HERC2: variants seen among roughly 807,000 people sequenced by gnomAD.
The protein encoded by HERC2 is E3 ubiquitin-protein ligase HERC2.
A neutral mutation model predicts 537.7 loss-of-function variants in HERC2; 102 were observed. The observed-to-expected ratio is 0.19, with a 90% CI of 0.16 to 0.22. The LOEUF is 0.22. Among genes scored for constraint, HERC2 ranks in the 10% least tolerant of loss-of-function variants. The probability of loss-of-function intolerance (pLI) is 1.00; values close to 1 mark genes in which losing one functional copy is unlikely to be tolerated. For missense variants in HERC2, 4,236 were observed against 6,198.2 expected, an observed-to-expected ratio of 0.68 and a Z score of 10.63; for synonymous variants, 2,224 against 2,466.2, an observed-to-expected ratio of 0.90 and a Z score of 2.91.
intron 44 of HERC2, among the ~76,000 whole-genome samples, chr15:28,209,511 T>C (rs1394159416): frequency 6.6e-6 from 1 of 151,932 alleles, no homozygotes; most frequent in Non-Finnish European, 1.5e-5. Context: ...GCCCAGCTAA[T>C]TTTTTGTATT....
rs1275798454 is a variant in HERC2 at position 28,271,907 on chromosome 15, C to A, written c.1083+308G>T. ...GTGACAGCTCAGGTGACGTGCCCTG[C>A]ACAGAGCCCAGTACATAGGAAGGAC... On this transcript the variant is annotated intron_variant, in intron 9 of 92. Coordinates refer to ENST00000261609, the MANE Select transcript of HERC2 (RefSeq NM_004667.6). The A allele has an allele frequency of 1.4e-5, 5 of 359,446 alleles. No individual in the cohort carries two copies. The East Asian group carries it at 2.6e-4, about 19-fold the overall frequency. The allele number at this position is 359,446 out of a possible 1,614,324, so 22.3% of individuals were successfully genotyped here.
In HERC2 at chr15:28,167,759, C is replaced by T. The variant is rs745886258; in HGVS notation, c.10482G>A (p.Arg3494=). Residue 3494 remains arginine (R), a synonymous_variant, in exon 68 of 93, where the codon CGG becomes CGA. Coordinates refer to ENST00000261609, the MANE Select transcript of HERC2 (RefSeq NM_004667.6). ...VTPSAPSASA[R]PFIPVTDDLG... ...GGTCATCCGTCACTGGGATAAAAGGCCGAGCGGAGGCTGAGGGGGCCGACG... is the reference window on the plus strand; with the variant it reads ...GGTCATCCGTCACTGGGATAAAAGGTCGAGCGGAGGCTGAGGGGGCCGACG... The T allele has an allele frequency of 3.7e-6, 6 of 1,614,024 alleles. No individual in the cohort carries two copies. Among genetic ancestry groups the T allele is most frequent in the Non-Finnish European group, 5.1e-6 (6 of 1,180,034 alleles).
In HERC2 at chr15:28,168,573, G is replaced by A. The variant is rs1894384856; in HGVS notation, c.10247C>T (p.Ala3416Val). The change falls in exon 67 of 93, where the codon GCC becomes GTC. Residue 3416 changes from alanine (A) to valine (V), a missense_variant. Ala to Val is a moderately conservative substitution (Grantham distance 64). Transcript: ENST00000261609. ...GGCGATCATGGCGGCCGGCATCAGGGCCCCGACAACAGCATCTCTGTCAGG... is the reference window on the plus strand; with the variant it reads ...GGCGATCATGGCGGCCGGCATCAGGACCCCGACAACAGCATCTCTGTCAGG... ...IMYARDAVVGALMPAAMIAPV... is the reference protein window; with the variant it reads ...IMYARDAVVGVLMPAAMIAPV... 6 of 1,613,902 alleles carry A rather than the reference G, an allele frequency of 3.7e-6. No homozygotes were observed. The highest frequency in any genetic ancestry group is 5.1e-6 in the Non-Finnish European group (6 of 1,179,902).
intron 21 of HERC2, 55 bp downstream of exon 21, chr15:28,248,497 T>C: frequency 7.1e-7 from 1 of 1,406,658 alleles, no homozygotes; most frequent in Non-Finnish European, 1.0e-6. Flanking sequence ...TCGAAAAGCC[T>C]AAAGTAACGA....
intron 20 of HERC2, among the ~76,000 whole-genome samples, chr15:28,251,051 G>A (rs999835519): frequency 3.9e-5 from 6 of 152,272 alleles, no homozygotes; most frequent in Non-Finnish European, 7.4e-5. Context: ...CATGCAGCAA[G>A]GATGAAGACA....
At chr15:28,127,479 A>G (rs1889628589) in intron 83 of HERC2, among the ~76,000 whole-genome samples, 1 of 152,222 alleles carries the variant, frequency 6.6e-6, no homozygotes, top group Non-Finnish European at 1.5e-5. Context: ...TACTGGTGTG[A>G]ACTCACAGTT....
chr15:28,200,474 T>C (rs955987211), intron 48 of HERC2, among the ~76,000 whole-genome samples: 1 of 152,094 alleles, frequency 6.6e-6, no homozygotes, highest in African/African-American at 2.4e-5. Flanking sequence ...AGCTGGTACC[T>C]TGATCTTGGA....
chr15:28,190,782 T>C (rs1393491639), intron 55 of HERC2, 183 bp downstream of exon 55: 5 of 600,700 alleles, frequency 8.3e-6, no homozygotes, highest in Non-Finnish European at 1.5e-5. Flanking sequence ...CAAGCTGAAC[T>C]GATAAGCAGC....
At chr15:28,282,309 C>G (rs938750955) in intron 4 of HERC2, among the ~76,000 whole-genome samples, 6 of 152,120 alleles carry the variant, frequency 3.9e-5, no homozygotes, top group African/African-American at 1.4e-4. Flanking sequence ...TACCAAGAAC[C>G]AGGAAGATCT....
At chr15:28,239,478 T>C (rs1596305508) in intron 23 of HERC2, among the ~76,000 whole-genome samples, 2 of 149,706 alleles carry the variant, frequency 1.3e-5, no homozygotes, top group Non-Finnish European at 1.5e-5. Context: ...GATTATGTCC[T>C]TCCTGTACAA....
At chr15:28,138,160 T>C (rs1303075130) in intron 78 of HERC2, among the ~76,000 whole-genome samples, 1 of 152,234 alleles carries the variant, frequency 6.6e-6, no homozygotes, top group Non-Finnish European at 1.5e-5. Context: ...AGACGCCGTC[T>C]TCATAACATA....
intron 65 of HERC2, among the ~76,000 whole-genome samples, chr15:28,170,328 T>G (rs542473908): frequency 3.9e-5 from 6 of 152,270 alleles, no homozygotes; most frequent in African/African-American, 1.4e-4. Flanking sequence ...GGCATAAGAA[T>G]CAATGGAATA....
intron 3 of HERC2, among the ~76,000 whole-genome samples, chr15:28,298,036 T>A (rs1615773): frequency 0.59 from 78,073 of 131,570 alleles, 29,144 homozygotes; most frequent in Non-Finnish European, 0.81. Flanking sequence ...TGTGTGTGTG[T>A]GTGAATATTT....
chr15:28,289,727 C>T (rs115246798), intron 4 of HERC2, among the ~76,000 whole-genome samples: 3,676 of 152,258 alleles, frequency 0.024, 102 homozygotes, highest in African/African-American at 0.068. Context: ...CATGGACTTA[C>T]GGGACATGGC....
chr15:28,209,953 T>TTC (rs1459160050), intron 44 of HERC2, among the ~76,000 whole-genome samples: 1 of 136,846 alleles, frequency 7.3e-6, no homozygotes, highest in East Asian at 2.1e-4. Flanking sequence ...TTTTTTTTTT[T>TTC]TTTTTTTTTT....
At position 28,114,678 on chromosome 15, in the gene HERC2, C is replaced by T; in HGVS notation, c.13847G>A (p.Ser4616Asn). 6.2e-7 allele frequency: 1 copy of T among 1,614,096 alleles called. No individual in the cohort carries two copies. The highest frequency in any genetic ancestry group is 1.1e-5 in the South Asian group (1 of 91,070). The change falls in exon 90 of 93, where the codon AGC becomes AAC. Residue 4616 changes from serine to asparagine, a missense_variant. By Grantham distance (46) the Ser-to-Asn change is conservative (BLOSUM62 1). Around this residue, in one of 27 missense-constraint regions of HERC2, gnomAD observed 313 missense variants for 462.6 expected, o/e 0.68. Transcript: ENST00000261609. ...CAGGGTGATGTGTGTGTGCTTGGAGCTCAACTGAATGTCCTGGCCACTGGC... is the reference window on the plus strand; with the variant it reads ...CAGGGTGATGTGTGTGTGCTTGGAGTTCAACTGAATGTCCTGGCCACTGGC... ...PSASGQDIQL[S>N]SKHTHITLDN...
intron 79 of HERC2, 38 bp downstream of exon 79, chr15:28,135,434 AACAAAG>A (rs1251853917): frequency 6.6e-7 from 1 of 1,506,212 alleles, no homozygotes; most frequent in African/African-American, 1.4e-5. Flanking sequence ...AACAAACAAA[AACAAAG>A]ACAAATAGAA....
intron 5 of HERC2, among the ~76,000 whole-genome samples, chr15:28,279,462 T>C (rs534172406): frequency 7.2e-5 from 11 of 152,294 alleles, no homozygotes; most frequent in African/African-American, 2.6e-4. Flanking sequence ...CTTGAGCTGA[T>C]CTAAAGCTGT....
In HERC2 at chr15:28,116,658, A is replaced by G; in HGVS notation, c.13609+7T>C. 6.2e-7 allele frequency: 1 copy of G among 1,603,196 alleles called. No individual in the cohort carries two copies. Among genetic ancestry groups the G allele is most frequent in the Non-Finnish European group, 8.5e-7 (1 of 1,173,402 alleles). On this transcript the variant is annotated splice_region_variant and intron_variant, in intron 88 of 92. Coordinates refer to ENST00000261609, the MANE Select transcript of HERC2 (RefSeq NM_004667.6). ...GCGACACAGTCTCAAGCGGCCGAGA[A>G]GCTCACCCAGGAAGCGGAACATGCT...
Sources: allele counts gnomAD v4.1 joint callset (sites outside exome capture counted in the v4.1 genomes callset), GRCh38; gene constraint gnomAD v4.1.1; regional missense constraint gnomAD v4.1.1; transcripts MANE v1.5; gene names NCBI Gene and HGNC (gene_info 2026-07-23, HGNC 2026-07-21).